Variants in SELENOP observed in about 807,000 individuals in gnomAD.
The protein encoded by SELENOP is selenoprotein P.
Under a neutral mutation model 41.0 loss-of-function variants are expected in SELENOP, and 36 were observed. The observed-to-expected ratio is 0.88, with a 90% CI of 0.67 to 1.16. SELENOP has a LOEUF of 1.16. Among genes scored for constraint, SELENOP ranks in the 50% most tolerant of loss-of-function variants. The probability of loss-of-function intolerance (pLI) is 0.00; values close to 1 mark genes in which losing one functional copy is unlikely to be tolerated. For synonymous variants in SELENOP, 144 were observed against 150.8 expected, an observed-to-expected ratio of 0.95 and a Z score of 0.33; for missense variants, 440 against 454.2, an observed-to-expected ratio of 0.97 and a Z score of 0.28.
intron 2 of SELENOP, chr5:42,807,651 G>A (rs28919894): frequency 0.019 from 2,883 of 154,976 alleles, 152 homozygotes; most frequent in South Asian, 0.18. Context: ...TGTATGAGGG[G>A]GATCCTGGAA....
chr5:42,811,170 C>A (rs1760450514), intron 1 of SELENOP, among the ~76,000 whole-genome samples: 1 of 152,186 alleles, frequency 6.6e-6, no homozygotes, highest in African/African-American at 2.4e-5. Flanking sequence ...AGGATATGTA[C>A]AAACTTTCTC....
At position 42,807,423 on chromosome 5, in the gene SELENOP, G is replaced by T. The variant is rs538137627; in HGVS notation, c.204-315C>A. 1.4e-3 allele frequency: 235 copies of T among 173,756 alleles called. 1 individual carries two copies. The highest frequency in any genetic ancestry group is 5.4e-3 in the African/African-American group (229 of 42,140). The allele number at this position is 173,756 out of a possible 1,614,324, so 10.8% of individuals were successfully genotyped here. On this transcript the variant is annotated intron_variant, in intron 2 of 4. Coordinates refer to ENST00000514985, the MANE Select transcript of SELENOP (RefSeq NM_005410.4). ...TTCAACCAACCACAGATAAAAAATG[G>T]TTGGAAAAAAAAAGATGGCTGCATC...
chr5:42,801,979 A>G (rs988540069), intron 4 of SELENOP: 4 of 152,202 alleles, frequency 2.6e-5, no homozygotes, highest in Non-Finnish European at 4.4e-5. Context: ...ACCTGTGTCA[A>G]CGGTGCATCT....
chr5:42,805,927 G>A (rs1760320853), intron 3 of SELENOP: 1 of 152,018 alleles, frequency 6.6e-6, no homozygotes, highest in South Asian at 2.1e-4. Flanking sequence ...ATAATCAAAA[G>A]CAAATATATT....
At position 42,801,288 on chromosome 5, in the gene SELENOP, G is replaced by A. The variant is rs1369563741; in HGVS notation, c.578C>T (p.Thr193Ile). The change falls in exon 5 of 5, where the codon ACT becomes ATT. Residue 193 changes from threonine to isoleucine, a missense_variant. Physicochemically the swap from Thr to Ile is moderately conservative, Grantham distance 89. Coordinates refer to ENST00000514985, the MANE Select transcript of SELENOP (RefSeq NM_005410.4). ...EDFCKRVSLA[T>I]VDKTVETPSP... ...TGGAGTTTCAACTGTTTTATCCACA[G>A]TAGCCAAAGATACACGTTTACAAAA... 1.2e-6 allele frequency: 2 copies of A among 1,613,518 alleles called. No homozygotes were observed.
At chr5:42,804,594 T>C (rs1227749207) in intron 4 of SELENOP, 62 bp downstream of exon 4, 3 of 930,350 alleles carry the variant, frequency 3.2e-6, no homozygotes, top group African/African-American at 3.3e-5. Context: ...AAATAAGTGT[T>C]TCATGATAAA....
chr5:42,800,588 A>T lies in SELENOP; in HGVS notation c.*132T>A, dbSNP rs1000650294. Reference sequence around the variant, plus strand: ...ACATAAAATTTAAAATCTGGAAGCCAATTCAGTAGATTTCTCCATGTTTGC... The same window carrying T: ...ACATAAAATTTAAAATCTGGAAGCCTATTCAGTAGATTTCTCCATGTTTGC... On this transcript the variant is annotated 3_prime_UTR_variant, in exon 5 of 5. Coordinates refer to ENST00000514985, the MANE Select transcript of SELENOP (RefSeq NM_005410.4). 7 of 1,118,588 alleles carry T rather than the reference A, an allele frequency of 6.3e-6. No individual in the cohort carries two copies. The African/African-American group carries it at 1.1e-4, about 17-fold the overall frequency. The allele number at this position is 1,118,588 out of a possible 1,614,324, so 69.3% of individuals were successfully genotyped here.
chr5:42,808,293 T>C lies in SELENOP; in HGVS notation c.61A>G (p.Ser21Gly), dbSNP rs1216550661. The change falls in exon 2 of 5, where the codon AGC becomes GGC. Residue 21 changes from serine to glycine, a missense_variant. Ser to Gly is a moderately conservative substitution (Grantham distance 56, BLOSUM62 0). Transcript: ENST00000514985. Reference protein sequence around the residue: ...LCLLPSGGTESQDQSSLCKQP... With the variant: ...LCLLPSGGTEGQDQSSLCKQP... ...TTACATAAGGAGCTTTGGTCCTGGC[T>C]CTCTGTTCCTCCCGATGGGAGGAGA... 6.5e-7 allele frequency: 1 copy of C among 1,544,388 alleles called. No individual in the cohort carries two copies. Among genetic ancestry groups the C allele is most frequent in the South Asian group, 1.2e-5 (1 of 80,218 alleles).
intron 3 of SELENOP, chr5:42,806,345 G>A (rs1760328651): frequency 1.3e-5 from 2 of 152,270 alleles, no homozygotes; most frequent in African/African-American, 4.8e-5. Flanking sequence ...GCATGTTTTA[G>A]GAGAAGATAA....
At chr5:42,805,764 G>A (rs999627821) in intron 3 of SELENOP, 2 of 152,150 alleles carry the variant, frequency 1.3e-5, no homozygotes, top group Admixed American at 6.5e-5. Context: ...TTATTTAACC[G>A]AAATGCCAAT....
At position 42,801,335 on chromosome 5, in the gene SELENOP, G is replaced by A; in HGVS notation, c.535-4C>T. ...AAAAGTCTTCATCTTTGAGAGTCTGGAACAAATTTATAAATCACTTTTTAA... is the reference window on the plus strand; with the variant it reads ...AAAAGTCTTCATCTTTGAGAGTCTGAAACAAATTTATAAATCACTTTTTAA... On this transcript the variant is annotated splice_region_variant and splice_polypyrimidine_tract_variant and intron_variant, in intron 4 of 4. Transcript: ENST00000514985. 6.3e-7 allele frequency: 1 copy of A among 1,587,936 alleles called. No individual in the cohort carries two copies. The highest frequency in any genetic ancestry group is 1.1e-5 in the South Asian group (1 of 87,926).
At chr5:42,811,715 T>C (rs1230116971) in intron 1 of SELENOP, 121 bp downstream of exon 1, 1 of 152,222 alleles carries the variant, frequency 6.6e-6, no homozygotes, top group Non-Finnish European at 1.5e-5. Flanking sequence ...ATTATTTTTA[T>C]TTCCTCTATC....
At position 42,811,034 on chromosome 5, in the gene SELENOP, A is replaced by T. The variant is rs551717914; in HGVS notation, c.-14+802T>A. On this transcript the variant is annotated intron_variant, in intron 1 of 4. Transcript: ENST00000514985. ...TAAATAACAAAATTGGGTTTCCTGGAAGCTGATCCAATAAGAATTGAAAAG... is the reference window on the plus strand; with the variant it reads ...TAAATAACAAAATTGGGTTTCCTGGTAGCTGATCCAATAAGAATTGAAAAG... Among the ~76,000 whole-genome samples, 3 of 152,360 alleles carry T rather than the reference A, an allele frequency of 2.0e-5. No homozygotes were observed. The South Asian group carries it at 6.2e-4, about 32-fold the overall frequency.
At chr5:42,806,361 A>G (rs753252580) in intron 3 of SELENOP, 2 of 152,410 alleles carry the variant, frequency 1.3e-5, no homozygotes, top group Non-Finnish European at 2.9e-5. Flanking sequence ...GATAATCAAT[A>G]CAGATTTGAA....
intron 4 of SELENOP, among the ~76,000 whole-genome samples, chr5:42,803,279 A>G (rs1230607342): frequency 6.6e-6 from 1 of 152,198 alleles, no homozygotes; most frequent in Admixed American, 6.5e-5. Flanking sequence ...ATTTGCACAA[A>G]TGAGAAATGC....
At chr5:42,805,843 T>C (rs1470271190) in intron 3 of SELENOP, 2 of 152,172 alleles carry the variant, frequency 1.3e-5, no homozygotes, top group Non-Finnish European at 2.9e-5. Context: ...CCTTACTTTT[T>C]AAAAAGTCAT....
intron 4 of SELENOP, among the ~76,000 whole-genome samples, chr5:42,803,815 A>T (rs1415552142): frequency 6.6e-6 from 1 of 152,262 alleles, no homozygotes; most frequent in Non-Finnish European, 1.5e-5. Flanking sequence ...AATAAATACC[A>T]GTAATGAGTA....
chr5:42,800,908 A>G lies in SELENOP; in HGVS notation c.958T>C (p.Cys320Arg). The change falls in exon 5 of 5, where the codon TGT (cysteine) becomes CGT (arginine). Residue 320 changes from cysteine (C) to arginine (R), a missense_variant. Coordinates refer to ENST00000514985, the MANE Select transcript of SELENOP (RefSeq NM_005410.4). Reference protein sequence around the residue: ...EKTGSAITUQCKENLPSLCSU... With the variant: ...EKTGSAITUQRKENLPSLCSU... Reference sequence around the variant, plus strand: ...CATAAAGATGGGAGGTTTTCTTTACACTGTCAGGTGATTGCAGACCCTGTT... The same window carrying G: ...CATAAAGATGGGAGGTTTTCTTTACGCTGTCAGGTGATTGCAGACCCTGTT... The G allele has an allele frequency of 6.2e-7, 1 of 1,614,162 alleles. No homozygotes were observed. The highest frequency in any genetic ancestry group is 8.5e-7 in the Non-Finnish European group (1 of 1,180,014).
Position 42,807,067 on chromosome 5 carries a change from G to C in SELENOP, c.245C>G (p.Ser82Cys), listed in dbSNP as rs369562289. The C allele has an allele frequency of 4.5e-6, 7 of 1,545,210 alleles. No homozygotes were observed. The African/African-American group carries it at 9.5e-5, about 21-fold the overall frequency. The change falls in exon 3 of 5, where the codon TCT becomes TGT. Residue 82 changes from serine (S) to cysteine (C), a missense_variant. By Grantham distance (112) the Ser-to-Cys change is moderately radical. Coordinates refer to ENST00000514985, the MANE Select transcript of SELENOP (RefSeq NM_005410.4). ...LRVKLKKEGY[S>C]NISYIVVNHQ... ...ATTAACAACAATATAAGAAATATTA[G>C]AATATCCTTCTTTCTTCAGTTTTAC...
Sources: gnomAD v4.1 joint callset for allele counts (sites outside exome capture counted in the v4.1 genomes callset) on GRCh38, gnomAD v4.1.1 for gene constraint, MANE v1.5 for transcripts, NCBI Gene and HGNC (gene_info 2026-07-23, HGNC 2026-07-21) for gene names.